Variants in GATA4 observed in about 807,000 individuals in gnomAD.
The protein encoded by GATA4 is transcription factor GATA-4.
A neutral mutation model predicts 37.9 loss-of-function variants in GATA4; 7 were observed. The ratio of observed to expected loss-of-function variants is 0.18; its 90% confidence interval spans 0.11 to 0.35. GATA4 has a LOEUF of 0.35. GATA4 is among the 10% of genes least tolerant of loss of function. The pLI is 1.00. For missense variants in GATA4, 647 were observed against 653.0 expected, an observed-to-expected ratio of 0.99 and a Z score of 0.10; for synonymous variants, 372 against 292.6, an observed-to-expected ratio of 1.27 and a Z score of -2.77.
At chr8:11,685,175 A>C (rs1000047025) in intron 1 of GATA4, among the ~76,000 whole-genome samples, 42 of 152,348 alleles carry the variant, frequency 2.8e-4, no homozygotes, top group Non-Finnish European at 4.7e-4. Flanking sequence ...AATCCATTAC[A>C]CGATCATTAA....
chr8:11,737,123 C>T (rs947609344), intron 2 of GATA4, among the ~76,000 whole-genome samples: 1 of 151,670 alleles, frequency 6.6e-6, no homozygotes, highest in African/African-American at 2.4e-5. Context: ...AGCTTAACCT[C>T]GGTTTGATTA....
At chr8:11,743,747 CAG>C (rs1489486720) in intron 2 of GATA4, among the ~76,000 whole-genome samples, 1 of 152,162 alleles carries the variant, frequency 6.6e-6, no homozygotes, top group Non-Finnish European at 1.5e-5. Context: ...GTAGGGAAGT[CAG>C]GGGTGGGATG....
chr8:11,681,038 A>C (rs1221979168), intron 1 of GATA4: 1 of 938,368 alleles, frequency 1.1e-6, no homozygotes, highest in African/African-American at 1.8e-5. Context: ...CAAAGCACAG[A>C]TCTAATGCCT....
At chr8:11,680,682 C>T (rs916591366) in intron 1 of GATA4, 1 of 985,330 alleles carries the variant, frequency 1.0e-6, no homozygotes, top group Non-Finnish European at 1.2e-6. Context: ...TCAGAGACCC[C>T]CCCCTTGGGG....
chr8:11,722,833 C>A (rs1418817245), intron 2 of GATA4, among the ~76,000 whole-genome samples: 2 of 152,202 alleles, frequency 1.3e-5, no homozygotes, highest in Non-Finnish European at 2.9e-5. Flanking sequence ...CTACTGCCAC[C>A]ATTCCTTCTT....
intron 2 of GATA4, among the ~76,000 whole-genome samples, chr8:11,721,600 T>C (rs988013626): frequency 1.3e-5 from 2 of 151,958 alleles, no homozygotes; most frequent in South Asian, 2.1e-4. Context: ...TTATGTGGTG[T>C]GCTTCGGCAG....
chr8:11,754,987 A>G, intron 4 of GATA4, 59 bp from the exon 5 acceptor site: 1 of 1,358,144 alleles, frequency 7.4e-7, no homozygotes, highest in Non-Finnish European at 1.0e-6. Context: ...GTGTCTTTCA[A>G]TGCTGTAGCA....
chr8:11,738,663 T>A (rs1157989633), intron 2 of GATA4, among the ~76,000 whole-genome samples: 2 of 152,098 alleles, frequency 1.3e-5, no homozygotes, highest in Admixed American at 6.6e-5. Context: ...GGAAGTGGAG[T>A]TTCTGGATCA....
chr8:11,683,188 G>C (rs1464459976), intron 1 of GATA4: 1 of 925,490 alleles, frequency 1.1e-6, no homozygotes, highest in Non-Finnish European at 1.3e-6. Flanking sequence ...ACAGCAGCAG[G>C]AACAATCCAT....
chr8:11,690,923 T>C (rs1164035586), upstream of GATA4, among the ~76,000 whole-genome samples: 1 of 152,246 alleles, frequency 6.6e-6, no homozygotes, highest in Non-Finnish European at 1.5e-5. Context: ...ACAATACCAA[T>C]GCCTTGCCCA....
upstream of GATA4, among the ~76,000 whole-genome samples, chr8:11,703,878 A>G (rs1799773677): frequency 6.6e-6 from 1 of 152,204 alleles, no homozygotes; most frequent in Admixed American, 6.5e-5. Flanking sequence ...CTGCGGGATG[A>G]GGACCACAGG....
chr8:11,732,007 G>T (rs532845948), intron 2 of GATA4, among the ~76,000 whole-genome samples: 7 of 152,320 alleles, frequency 4.6e-5, no homozygotes, highest in Non-Finnish European at 7.3e-5. Context: ...TAAGGAGAAG[G>T]TTATCCTTGG....
intron 4 of GATA4, 46 bp downstream of exon 4, chr8:11,750,282 C>T (rs1802238728): frequency 1.9e-6 from 3 of 1,606,604 alleles, no homozygotes; most frequent in South Asian, 2.2e-5. Context: ...TTCTGATGCC[C>T]ATCTCTCAGT....
intron 2 of GATA4, among the ~76,000 whole-genome samples, chr8:11,732,887 T>C (rs1374150669): frequency 2.0e-5 from 3 of 152,182 alleles, no homozygotes; most frequent in African/African-American, 7.2e-5. Context: ...CCAGACCACA[T>C]GGAGGGAAAG....
intron 4 of GATA4, among the ~76,000 whole-genome samples, chr8:11,753,913 GAA>G (rs763525505): frequency 1.2e-3 from 180 of 152,336 alleles, no homozygotes; most frequent in Non-Finnish European, 1.3e-3. Context: ...CAGATGTGGG[GAA>G]GGCACCCTGC....
intron 1 of GATA4, chr8:11,680,927 T>A: frequency 1.6e-5 from 16 of 985,188 alleles, no homozygotes; most frequent in Non-Finnish European, 1.9e-5. Flanking sequence ...ACAGTAGGTG[T>A]TTCATCAAAA....
At chr8:11,714,675 C>T (rs1033859042) in intron 2 of GATA4, among the ~76,000 whole-genome samples, 1 of 152,152 alleles carries the variant, frequency 6.6e-6, no homozygotes, top group Non-Finnish European at 1.5e-5. Context: ...CCAGTTGTGT[C>T]CCATCAAAAG....
chr8:11,681,350 AGCACTCGTCCCCCTAG>A, intron 1 of GATA4: 13 of 985,336 alleles, frequency 1.3e-5, no homozygotes, highest in Non-Finnish European at 1.6e-5. Context: ...TCAAATTTCC[AGCACTCGTCCCCCTAG>A]GTCTCATAAA....
chr8:11,738,180 C>CAAA (rs35759534), intron 2 of GATA4, among the ~76,000 whole-genome samples: 2 of 82,444 alleles, frequency 2.4e-5, no homozygotes, highest in Non-Finnish European at 3.0e-5. Context: ...GACTCTGTCT[C>CAAA]AAAAAAAAAA....
Sources: allele counts gnomAD v4.1 joint callset (sites outside exome capture counted in the v4.1 genomes callset), GRCh38; gene constraint gnomAD v4.1.1; transcripts MANE v1.5; gene names NCBI Gene and HGNC (gene_info 2026-07-23, HGNC 2026-07-21).